The following NEB variants were observed in gnomAD, a reference collection of about 807,000 sequenced individuals.
The protein encoded by NEB is nebulin.
Under a neutral mutation model 952.2 loss-of-function variants are expected in NEB, and 512 were observed. The ratio of observed to expected loss-of-function variants is 0.54; its 90% CI spans 0.50 to 0.58. NEB has a LOEUF of 0.58. Among genes scored for constraint, NEB ranks in the 20% least tolerant of loss-of-function variants. The pLI is 0.00. For synonymous variants in NEB, 2,900 were observed against 3,149.8 expected, an observed-to-expected ratio of 0.92 and a Z score of 2.66; for missense variants, 8,428 against 9,231.1, an observed-to-expected ratio of 0.91 and a Z score of 3.56.
intron 153 of NEB, among the ~76,000 whole-genome samples, chr2:151,523,745 G>T (rs1490729697): frequency 3.3e-5 from 5 of 152,292 alleles, no homozygotes; most frequent in Admixed American, 2.0e-4. Context: ...CAAGAATGTG[G>T]CATTCTCCAT....
At position 151,490,049 on chromosome 2, in the gene NEB, G is replaced by T; in HGVS notation, c.25326C>A (p.Leu8442=). Residue 8442 remains leucine (L), a synonymous_variant, in exon 181 of 182, where the codon CTC becomes CTA. Coordinates refer to ENST00000397345, the MANE Select transcript of NEB (RefSeq NM_001164508.2). ...TAYKHAKTTE[L]PQQRSSSVAT... is the part of the protein sequence containing the mutation. ...CAACTGAAGATGATCGTTGTTGTGG[G>T]AGCTCTGTGGTTTTTGCATGTTTGT... 6.2e-7 allele frequency: 1 copy of T among 1,611,312 alleles called. No individual in the cohort carries two copies. Among genetic ancestry groups the T allele is most frequent in the Non-Finnish European group, 8.5e-7 (1 of 1,179,084 alleles).
Position 151,527,476 on chromosome 2 carries a change from C to G in NEB, c.21840+5G>C. On this transcript the variant is annotated splice_donor_5th_base_variant and intron_variant, in intron 147 of 181. Coordinates refer to ENST00000397345, the MANE Select transcript of NEB (RefSeq NM_001164508.2). ...TTACAATCGTCTGTGTCTCTCCTGT[C>G]TTACATCGCTTTGCTGCAGGGATGA... 6.2e-7 allele frequency: 1 copy of G among 1,608,122 alleles called. No individual in the cohort carries two copies. Among genetic ancestry groups the G allele is most frequent in the East Asian group, 2.2e-5 (1 of 44,778 alleles).
chr2:151,510,405 T>TCTAA (rs1391991071), intron 161 of NEB, among the ~76,000 whole-genome samples: 1 of 152,250 alleles, frequency 6.6e-6, no homozygotes, highest in Non-Finnish European at 1.5e-5. Flanking sequence ...GCTTTTAATA[T>TCTAA]CTAACTTAAC....
intron 146 of NEB, 95 bp downstream of exon 146, chr2:151,529,115 G>C (rs1249578446): frequency 2.5e-6 from 2 of 809,800 alleles, no homozygotes; most frequent in Non-Finnish European, 4.3e-6. Context: ...TCAATCACTA[G>C]AGCTGAATTG....
At chr2:151,696,843 T>C (rs1259469846) in intron 16 of NEB, 108 bp from the exon 17 acceptor site, 2 of 763,742 alleles carry the variant, frequency 2.6e-6, no homozygotes, top group Middle Eastern at 2.3e-4. Flanking sequence ...ATGAAACTTG[T>C]AGTTAATAAA....
At chr2:151,488,232 C>G (rs982493374) in intron 181 of NEB, among the ~76,000 whole-genome samples, 2 of 151,994 alleles carry the variant, frequency 1.3e-5, no homozygotes, top group Admixed American at 1.3e-4. Flanking sequence ...TGTTTTCTCC[C>G]AGTCTGACAT....
chr2:151,501,364 G>A, intron 168 of NEB, 27 bp downstream of exon 168: 1 of 1,363,080 alleles, frequency 7.3e-7, no homozygotes. Flanking sequence ...TTTTTAATAT[G>A]GAGTTAAAGA....
Position 151,531,807 on chromosome 2 carries a change from G to C in NEB, c.21507C>G (p.Asn7169Lys). The change falls in exon 144 of 182, where the codon AAC becomes AAG. Residue 7169 changes from asparagine (N) to lysine (K), a missense_variant. Coordinates refer to ENST00000397345, the MANE Select transcript of NEB (RefSeq NM_001164508.2). Reference sequence around the variant, plus strand: ...TTGCACTTACATCGCTGATTTGTTTGTTGACTTTTGTAGTACGCAGGTGTT... The same window carrying C: ...TTGCACTTACATCGCTGATTTGTTTCTTGACTTTTGTAGTACGCAGGTGTT... The part of the protein sequence containing the change: ...TPEHLRTTKV[N>K]KQISDILYKL... 1 of 1,611,588 alleles carries C rather than the reference G, an allele frequency of 6.2e-7. No individual in the cohort carries two copies. Among genetic ancestry groups the C allele is most frequent in the Non-Finnish European group, 8.5e-7 (1 of 1,178,268 alleles).
chr2:151,555,155 G>A (rs768818897), intron 124 of NEB, 111 bp from the exon 125 acceptor site: 168 of 718,156 alleles, frequency 2.3e-4, no homozygotes, highest in Non-Finnish European at 3.5e-4. Flanking sequence ...TCCACCCAGC[G>A]TTGGGGACAA....
In NEB at chr2:151,615,926, A is replaced by C. The variant is rs534951410; in HGVS notation, c.11289+76T>G. 5 of 1,125,724 alleles carry C rather than the reference A, an allele frequency of 4.4e-6. No individual in the cohort carries two copies. In the African/African-American group the frequency reaches 7.9e-5, roughly 18 times the overall value. 69.7% of individuals were successfully genotyped at this position (1,125,724 alleles called of 1,614,324 possible). On this transcript the variant is annotated intron_variant, in intron 76 of 181. Transcript: ENST00000397345. ...GACTTATAGGGGTAACTAAATTTCT[A>C]GCAAGAAAAACTCTAAAAGCTTCTA...
chr2:151,726,583 T>A lies in NEB; in HGVS notation c.295-1023A>T, dbSNP rs900789553. Among the ~76,000 whole-genome samples the A allele has an allele frequency of 3.3e-5, 5 of 152,118 alleles. No homozygotes were observed. In the South Asian group the frequency reaches 6.2e-4, roughly 19 times the overall value. ...CAGCCCACCATGGACAATAAACAAA[T>A]TAGACCCATTGAAATGTGTCTGAAT... is the stretch of plus-strand genomic sequence containing the variant. On this transcript the variant is annotated intron_variant, in intron 5 of 181. Transcript: ENST00000397345.
At position 151,493,823 on chromosome 2, in the gene NEB, A is replaced by G; in HGVS notation, c.24624T>C (p.Phe8208=). Residue 8208 remains phenylalanine, a synonymous_variant, in exon 175 of 182, where the codon TTT becomes TTC. Coordinates refer to ENST00000397345, the MANE Select transcript of NEB (RefSeq NM_001164508.2). ...GTTTCACTCTTTCCATCTCAGGAGT[A>G]AAGGGTGTGGGGGTTGCTTTCCCCA... The part of the protein sequence containing the change: ...ENLGKATPTP[F]TPEMERVKRN... 4.4e-6 allele frequency: 7 copies of G among 1,588,420 alleles called. No individual in the cohort carries two copies. The highest frequency in any genetic ancestry group is 6.0e-6 in the Non-Finnish European group (7 of 1,165,788).
At chr2:151,559,218 A>G (rs2095862022) in intron 124 of NEB, among the ~76,000 whole-genome samples, 1 of 152,264 alleles carries the variant, frequency 6.6e-6, no homozygotes, top group African/African-American at 2.4e-5. Flanking sequence ...CATTAGAGAA[A>G]TGCAAATCAA....
intron 13 of NEB, among the ~76,000 whole-genome samples, chr2:151,700,850 CT>C (rs2099644831): frequency 8.1e-6 from 1 of 123,638 alleles, no homozygotes. Flanking sequence ...CTTGAATACC[CT>C]TTATTTCCTT....
rs139277072 is a variant in NEB at position 151,695,824 on chromosome 2, C to T, written c.1570-142G>A. 3.9e-4 allele frequency: 258 copies of T among 657,392 alleles called. 2 individuals carry two copies. The highest frequency in any genetic ancestry group is 3.7e-3 in the African/African-American group (202 of 55,060). 40.7% of individuals were successfully genotyped at this position (657,392 alleles called of 1,614,324 possible). ...GAGCTTGGGTAGGCCATCTGCATTA[C>T]TGATCCTGTGTGCAGGACACTTGGC... is the stretch of plus-strand genomic sequence containing the variant. On this transcript the variant is annotated intron_variant, in intron 17 of 181. Coordinates refer to ENST00000397345, the MANE Select transcript of NEB (RefSeq NM_001164508.2).
chr2:151,521,038 C>T (rs574395938), intron 153 of NEB, among the ~76,000 whole-genome samples: 1 of 152,198 alleles, frequency 6.6e-6, no homozygotes, highest in South Asian at 2.1e-4. Context: ...TGAGCTGTTT[C>T]TAGATGTTAG....
At chr2:151,724,414 A>G in intron 7 of NEB, 50 bp from the exon 8 acceptor site, 1 of 1,395,656 alleles carries the variant, frequency 7.2e-7, no homozygotes, top group Admixed American at 1.9e-5. Flanking sequence ...ACCCAAAGGC[A>G]TGAGGATTTA....
In NEB at chr2:151,518,945, G is replaced by T; in HGVS notation, c.22695+20C>A. On this transcript the variant is annotated intron_variant, in intron 155 of 181. Coordinates refer to ENST00000397345, the MANE Select transcript of NEB (RefSeq NM_001164508.2). ...AAATGGGTAAAACAAGCTGTTTCTGGAGCAAATGACTGAGCTTACAGAACT... is the reference window on the plus strand; with the variant it reads ...AAATGGGTAAAACAAGCTGTTTCTGTAGCAAATGACTGAGCTTACAGAACT... The T allele has an allele frequency of 6.4e-7, 1 of 1,558,030 alleles. No individual in the cohort carries two copies. Among genetic ancestry groups the T allele is most frequent in the South Asian group, 1.1e-5 (1 of 89,760 alleles).
In NEB at chr2:151,547,710, A is replaced by G; in HGVS notation, c.20186T>C (p.Leu6729Pro). 1 of 1,613,484 alleles carries G rather than the reference A, an allele frequency of 6.2e-7. No individual in the cohort carries two copies. Among genetic ancestry groups the G allele is most frequent in the Non-Finnish European group, 8.5e-7 (1 of 1,179,724 alleles). The change falls in exon 132 of 182, where the codon CTG becomes CCG. Residue 6729 changes from leucine to proline, a missense_variant. Leu to Pro is a moderately conservative substitution (Grantham distance 98, BLOSUM62 -3). Around this residue, in one of 11 missense-constraint regions of NEB, gnomAD observed 3,374 missense variants for 3,651.5 expected, o/e 0.92. Transcript: ENST00000397345. ...ERLYRELYHK[L>P]KDKIHTTPDT... ...GGGAGTTGTATGGATCTTGTCTTTC[A>G]GTTTGTGGTACAATTCCCGATACAG...
Sources: gnomAD v4.1 joint callset for allele counts (sites outside exome capture counted in the v4.1 genomes callset) on GRCh38, gnomAD v4.1.1 for gene constraint, gnomAD v4.1.1 regional missense constraint, MANE v1.5 for transcripts, NCBI Gene and HGNC (gene_info 2026-07-23, HGNC 2026-07-21) for gene names.